Variants in RFX3 observed in about 807,000 individuals in gnomAD.
RFX3 encodes regulatory factor X3.
In RFX3, 14 loss-of-function variants were observed where a neutral mutation model predicts 98.6. The observed-to-expected ratio is 0.14, with a 90% CI of 0.09 to 0.22. The LOEUF (loss-of-function observed/expected upper bound fraction) is 0.22. RFX3 is among the 10% of genes least tolerant of loss of function. The pLI, the probability that RFX3 is intolerant of heterozygous loss-of-function variation, is 1.00. For synonymous variants in RFX3, 383 were observed against 328.4 expected, an observed-to-expected ratio of 1.17 and a Z score of -1.80; for missense variants, 639 against 926.9, an observed-to-expected ratio of 0.69 and a Z score of 4.03.
chr9:3,341,007 T>C (rs960781632), intron 3 of RFX3, among the ~76,000 whole-genome samples: 4 of 152,118 alleles, frequency 2.6e-5, no homozygotes, highest in African/African-American at 7.2e-5. Flanking sequence ...ACCAACCCAA[T>C]TGTCCAACAA....
chr9:3,361,106 G>A (rs1836375193), intron 2 of RFX3, among the ~76,000 whole-genome samples: 1 of 152,122 alleles, frequency 6.6e-6, no homozygotes, highest in Non-Finnish European at 1.5e-5. Flanking sequence ...AGAGCTCTTA[G>A]CAGATTAAAA....
chr9:3,262,625 A>G (rs1242111120), intron 13 of RFX3, among the ~76,000 whole-genome samples: 1 of 152,232 alleles, frequency 6.6e-6, no homozygotes, highest in Non-Finnish European at 1.5e-5. Flanking sequence ...CACAGCTGGT[A>G]TATGAGACAG....
intron 5 of RFX3, among the ~76,000 whole-genome samples, chr9:3,294,730 C>T (rs1030259815): frequency 1.3e-5 from 2 of 152,084 alleles, no homozygotes; most frequent in Non-Finnish European, 2.9e-5. Context: ...AAACTTATGT[C>T]ATTAAACCCA....
intron 1 of RFX3, among the ~76,000 whole-genome samples, chr9:3,501,277 T>A (rs950029663): frequency 6.6e-6 from 1 of 152,122 alleles, no homozygotes; most frequent in Non-Finnish European, 1.5e-5. Flanking sequence ...ATAGAACAGA[T>A]TTTTCTTAAT....
chr9:3,472,639 A>T lies in RFX3; in HGVS notation c.-9+53108T>A, dbSNP rs117140863. Among the ~76,000 whole-genome samples, 950 of 152,332 alleles carry T rather than the reference A, an allele frequency of 6.2e-3. 11 individuals carry two copies. Among genetic ancestry groups the T allele is most frequent in the East Asian group, 0.033 (171 of 5,186 alleles). ...AGAGCCTATCCCTAACAAAAACTTCAATCTATCGTAAGGATTTAAGCAACA... is the reference window on the plus strand; with the variant it reads ...AGAGCCTATCCCTAACAAAAACTTCTATCTATCGTAAGGATTTAAGCAACA... On this transcript the variant is annotated intron_variant, in intron 1 of 16. Transcript: ENST00000617270.
chr9:3,248,404 T>C (rs1189264363), intron 14 of RFX3, among the ~76,000 whole-genome samples: 2 of 152,198 alleles, frequency 1.3e-5, no homozygotes, highest in African/African-American at 2.4e-5. Context: ...TTATTCAAGA[T>C]AGATAGTCTT....
intron 2 of RFX3, among the ~76,000 whole-genome samples, chr9:3,355,320 A>G (rs1346330962): frequency 6.6e-6 from 1 of 151,832 alleles, no homozygotes; most frequent in Non-Finnish European, 1.5e-5. Context: ...ACCAAAACAC[A>G]CTTTAAATAT....
At chr9:3,467,330 A>G (rs1256975136) in intron 1 of RFX3, among the ~76,000 whole-genome samples, 2 of 147,730 alleles carry the variant, frequency 1.4e-5, no homozygotes, top group African/African-American at 5.0e-5. Flanking sequence ...GTGTGTATGT[A>G]CGTGTGTGTG....
At chr9:3,325,570 T>G (rs1228914336) in intron 4 of RFX3, among the ~76,000 whole-genome samples, 1 of 152,062 alleles carries the variant, frequency 6.6e-6, no homozygotes, top group African/African-American at 2.4e-5. Flanking sequence ...CAAAAATGAT[T>G]AATGTAATCT....
intron 2 of RFX3, among the ~76,000 whole-genome samples, chr9:3,370,309 T>G (rs1468247653): frequency 1.3e-5 from 2 of 151,800 alleles, no homozygotes; most frequent in Non-Finnish European, 2.9e-5. Flanking sequence ...AAATACTTAT[T>G]CAAAAGTAAG....
intron 1 of RFX3, among the ~76,000 whole-genome samples, chr9:3,513,548 G>C (rs1176387713): frequency 1.3e-5 from 2 of 152,110 alleles, no homozygotes; most frequent in Admixed American, 1.3e-4. Context: ...GTACATTTGG[G>C]AAATTCCAGG....
intron 2 of RFX3, among the ~76,000 whole-genome samples, chr9:3,347,898 A>G (rs896829514): frequency 6.6e-6 from 1 of 152,212 alleles, no homozygotes; most frequent in Non-Finnish European, 1.5e-5. Context: ...TCTAAGAGAT[A>G]GGAATTGTTT....
intron 1 of RFX3, among the ~76,000 whole-genome samples, chr9:3,481,485 T>A (rs1018080140): frequency 9.9e-5 from 15 of 151,686 alleles, no homozygotes; most frequent in Admixed American, 2.0e-4. Flanking sequence ...AGTACATTTT[T>A]TAAAAAAAAA....
At chr9:3,261,276 A>G (rs548205395) in intron 13 of RFX3, among the ~76,000 whole-genome samples, 49 of 152,182 alleles carry the variant, frequency 3.2e-4, no homozygotes, top group African/African-American at 1.2e-3. Flanking sequence ...AATAAACCCC[A>G]TGACTCTTAT....
intron 4 of RFX3, among the ~76,000 whole-genome samples, chr9:3,320,345 G>C (rs1056547967): frequency 6.6e-6 from 1 of 152,020 alleles, no homozygotes; most frequent in African/African-American, 2.4e-5. Context: ...TTGAGGCCAG[G>C]AGTTTGAGAC....
At chr9:3,265,133 G>A (rs984837040) in intron 12 of RFX3, among the ~76,000 whole-genome samples, 56 of 152,162 alleles carry the variant, frequency 3.7e-4, no homozygotes, top group African/African-American at 1.2e-3. Context: ...CACATATGCT[G>A]CCTAACATGG....
At chr9:3,422,242 C>A (rs1056035990) in intron 1 of RFX3, among the ~76,000 whole-genome samples, 2 of 152,180 alleles carry the variant, frequency 1.3e-5, no homozygotes, top group African/African-American at 4.8e-5. Flanking sequence ...AGTCTTGTTT[C>A]AGCCCAGCAG....
At chr9:3,256,133 A>G (rs113252582) in intron 14 of RFX3, among the ~76,000 whole-genome samples, 9,947 of 152,010 alleles carry the variant, frequency 0.065, 1,033 homozygotes, top group African/African-American at 0.22. Flanking sequence ...TGCCCCGCTA[A>G]TTTTGTTTTT....
Position 3,224,540 on chromosome 9 carries a change from T to A in RFX3, c.*502A>T, listed in dbSNP as rs1033105937. ...CTCCATACTCAAAATGTTATCAAAA[T>A]AGTGTCTTATGGTTCTGTCCAATGA... On this transcript the variant is annotated 3_prime_UTR_variant, in exon 17 of 17. Transcript: ENST00000617270. 1 of 155,810 alleles carries A rather than the reference T, an allele frequency of 6.4e-6. No individual in the cohort carries two copies. Among genetic ancestry groups the A allele is most frequent in the Admixed American group, 6.2e-5 (1 of 16,066 alleles). The allele number at this position is 155,810 out of a possible 1,614,324, so 9.7% of individuals were successfully genotyped here.
Sources: gnomAD v4.1 joint callset for allele counts (sites outside exome capture counted in the v4.1 genomes callset) on GRCh38, gnomAD v4.1.1 for gene constraint, MANE v1.5 for transcripts, NCBI Gene and HGNC (gene_info 2026-07-23, HGNC 2026-07-21) for gene names.